Variants in DENND1B observed in about 807,000 individuals in gnomAD.
DENND1B encodes DENN domain containing 1B, also known as DENN domain-containing protein 1B.
In DENND1B, 59 loss-of-function variants were observed where a neutral mutation model predicts 90.1. The observed-to-expected ratio is 0.65, with a 90% CI of 0.53 to 0.81. The LOEUF is 0.81. Among genes scored for constraint, DENND1B ranks in the 40% least tolerant of loss-of-function variants. The pLI is 0.00. For synonymous variants in DENND1B, 337 were observed against 324.6 expected, an observed-to-expected ratio of 1.04 and a Z score of -0.41; for missense variants, 862 against 912.6, an observed-to-expected ratio of 0.94 and a Z score of 0.71.
chr1:197,545,903 A>T lies in DENND1B; in HGVS notation c.1350+19T>A. 1 of 1,582,296 alleles carries T rather than the reference A, an allele frequency of 6.3e-7. No individual in the cohort carries two copies. The highest frequency in any genetic ancestry group is 8.6e-7 in the Non-Finnish European group (1 of 1,165,122). ...TTATAATTTCATAAATAGGATTGTT[A>T]AATATCAAAAAAACTTACAAATTTA... is the stretch of plus-strand genomic sequence containing the variant. On this transcript the variant is annotated intron_variant, in intron 18 of 22. Coordinates refer to ENST00000620048, the MANE Select transcript of DENND1B (RefSeq NM_001195215.2).
chr1:197,769,369 C>T (rs1033324263), intron 2 of DENND1B, among the ~76,000 whole-genome samples: 1 of 152,108 alleles, frequency 6.6e-6, no homozygotes, highest in Admixed American at 6.6e-5. Context: ...TAAGGAAAGG[C>T]TTTCTAGGGG....
intron 3 of DENND1B, among the ~76,000 whole-genome samples, chr1:197,697,560 C>A (rs962463922): frequency 6.6e-6 from 1 of 151,654 alleles, no homozygotes; most frequent in Non-Finnish European, 1.5e-5. Flanking sequence ...TCTATGTACT[C>A]CTCCTAAACA....
intron 10 of DENND1B, 79 bp from the exon 11 acceptor site, chr1:197,617,838 T>C: frequency 1.1e-6 from 1 of 910,746 alleles, no homozygotes; most frequent in South Asian, 1.3e-5. Flanking sequence ...GTATCAACAA[T>C]GAACAGTAAT....
intron 2 of DENND1B, among the ~76,000 whole-genome samples, chr1:197,727,268 G>T (rs568669654): frequency 3.3e-5 from 5 of 152,224 alleles, no homozygotes; most frequent in Admixed American, 3.3e-4. Flanking sequence ...GGGCGCAGTG[G>T]CTCACACCTG....
chr1:197,704,843 G>GA (rs200997894), intron 3 of DENND1B, among the ~76,000 whole-genome samples: 172 of 144,364 alleles, frequency 1.2e-3, no homozygotes, highest in Middle Eastern at 0.011. Flanking sequence ...ATTCCAAGCA[G>GA]AAAAAAAAAA....
rs1667720848 is a variant in DENND1B at position 197,506,155 on chromosome 1, T to G, written c.*4305A>C. 6.6e-6 allele frequency: 1 copy of G among 151,676 alleles called. No individual in the cohort carries two copies. The highest frequency in any genetic ancestry group is 2.4e-5 in the African/African-American group (1 of 41,392). 9.4% of individuals were successfully genotyped at this position (151,676 alleles called of 1,614,324 possible). ...TTAAGGCATCTGCCAGAAAAACAGATGTACATATTTATATGAACTAAGTTA... is the reference window on the plus strand; with the variant it reads ...TTAAGGCATCTGCCAGAAAAACAGAGGTACATATTTATATGAACTAAGTTA... On this transcript the variant is annotated 3_prime_UTR_variant, in exon 23 of 23. Coordinates refer to ENST00000620048, the MANE Select transcript of DENND1B (RefSeq NM_001195215.2).
intron 2 of DENND1B, chr1:197,735,275 C>T (rs1196819333): frequency 4.1e-5 from 48 of 1,157,114 alleles, no homozygotes; most frequent in Non-Finnish European, 4.9e-5. Context: ...CACCCAAATA[C>T]TGGAGGCAGA....
At chr1:197,534,378 A>G (rs1410066392) in intron 20 of DENND1B, among the ~76,000 whole-genome samples, 1 of 152,206 alleles carries the variant, frequency 6.6e-6, no homozygotes, top group East Asian at 1.9e-4. Flanking sequence ...AATGAAGAAA[A>G]CTAAATTTCT....
intron 20 of DENND1B, among the ~76,000 whole-genome samples, chr1:197,516,334 TTATA>T (rs1421672374): frequency 1.3e-5 from 2 of 151,930 alleles, no homozygotes; most frequent in East Asian, 3.9e-4. Flanking sequence ...GAACTGCAGT[TTATA>T]TATAAGAAAT....
intron 15 of DENND1B, among the ~76,000 whole-genome samples, chr1:197,568,932 C>T (rs1241722032): frequency 2.6e-5 from 4 of 151,970 alleles, no homozygotes; most frequent in Non-Finnish European, 5.9e-5. Flanking sequence ...TTCAAAAGCA[C>T]AGGCAACGAA....
chr1:197,511,719 T>C lies in DENND1B; in HGVS notation c.1815+9A>G. The C allele has an allele frequency of 6.4e-7, 1 of 1,560,590 alleles. No individual in the cohort carries two copies. Among genetic ancestry groups the C allele is most frequent in the Non-Finnish European group, 8.7e-7 (1 of 1,155,376 alleles). On this transcript the variant is annotated intron_variant, in intron 22 of 22. Coordinates refer to ENST00000620048, the MANE Select transcript of DENND1B (RefSeq NM_001195215.2). The stretch of plus-strand genomic sequence containing the variant: ...TTCTAATTTTATAAGTAAAAAAAAA[T>C]CTACTAACCGTAGGTTTGTAATCAA...
Position 197,675,494 on chromosome 1 carries a change from T to C in DENND1B, c.127-1325A>G, listed in dbSNP as rs115286012. ...GGGTACCCTGGATTGCTTATAATCATAATCATGTACCTTTAAAAATATGAG... is the reference window on the plus strand; with the variant it reads ...GGGTACCCTGGATTGCTTATAATCACAATCATGTACCTTTAAAAATATGAG... On this transcript the variant is annotated intron_variant, in intron 3 of 22. Transcript: ENST00000620048. 1.7e-3 allele frequency among the ~76,000 whole-genome samples: 263 copies of C among 151,840 alleles called. 1 individual carries two copies. The highest frequency in any genetic ancestry group is 6.2e-3 in the African/African-American group (258 of 41,438).
chr1:197,763,526 G>A (rs750753428), intron 2 of DENND1B, among the ~76,000 whole-genome samples: 5 of 152,114 alleles, frequency 3.3e-5, no homozygotes, highest in Non-Finnish European at 7.4e-5. Flanking sequence ...AAAATTAAAT[G>A]CAACAATCCC....
At chr1:197,563,612 A>G (rs1170474682) in intron 15 of DENND1B, among the ~76,000 whole-genome samples, 1 of 152,010 alleles carries the variant, frequency 6.6e-6, no homozygotes, top group East Asian at 1.9e-4. Context: ...AAGGAGATTA[A>G]TGTTGTTTTC....
chr1:197,752,623 T>C (rs913838381), intron 2 of DENND1B, among the ~76,000 whole-genome samples: 3 of 152,046 alleles, frequency 2.0e-5, no homozygotes, highest in Non-Finnish European at 4.4e-5. Context: ...AATAGAAATT[T>C]TTTTCAAAGA....
At chr1:197,720,292 A>T (rs1300711675) in intron 2 of DENND1B, among the ~76,000 whole-genome samples, 2 of 152,108 alleles carry the variant, frequency 1.3e-5, no homozygotes, top group Non-Finnish European at 2.9e-5. Context: ...GGTAGAGTAC[A>T]GTGGCATGAG....
intron 20 of DENND1B, among the ~76,000 whole-genome samples, chr1:197,518,729 T>C (rs1454923653): frequency 1.3e-5 from 2 of 151,872 alleles, no homozygotes; most frequent in African/African-American, 4.8e-5. Context: ...AAGGCTTAAA[T>C]GGTTAATTAG....
At chr1:197,605,494 T>C (rs1191050445) in intron 13 of DENND1B, 2 of 151,020 alleles carry the variant, frequency 1.3e-5, no homozygotes, top group African/African-American at 4.8e-5. Context: ...TTTTTTCTTC[T>C]TTCTCTTTTT....
intron 2 of DENND1B, among the ~76,000 whole-genome samples, chr1:197,725,650 T>C (rs1452158808): frequency 6.6e-6 from 1 of 151,644 alleles, no homozygotes; most frequent in African/African-American, 2.4e-5. Flanking sequence ...AAAAAAGTTA[T>C]ATTTGTTCAT....
Sources: gnomAD v4.1 joint callset for allele counts (sites outside exome capture counted in the v4.1 genomes callset) on GRCh38, gnomAD v4.1.1 for gene constraint, MANE v1.5 for transcripts, NCBI Gene and HGNC (gene_info 2026-07-23, HGNC 2026-07-21) for gene names.